CD96: variants seen among roughly 807,000 people sequenced by gnomAD.
The protein encoded by CD96 is CD96 molecule.
A neutral mutation model predicts 71.3 loss-of-function variants in CD96; 70 were observed. That is an observed-to-expected ratio of 0.98 (90% CI 0.81 to 1.20). The LOEUF (loss-of-function observed/expected upper bound fraction) is 1.20, where lower values mean the gene tolerates loss of function less well. Ranked by LOEUF, CD96 falls within the 50% of genes most tolerant of loss-of-function variation. CD96 has a pLI of 0.00. For synonymous variants in CD96, 248 were observed against 233.0 expected (o/e 1.06, Z -0.59); for missense variants, 742 against 677.5 (o/e 1.10, Z -1.06).
chr3:111,603,479 C>T (rs1937545578), intron 7 of CD96, among the ~76,000 whole-genome samples: 1 of 151,606 alleles, frequency 6.6e-6, no homozygotes, highest in Non-Finnish European at 1.5e-5. Flanking sequence ...GCTAGCATGT[C>T]AAAATGTCTA....
chr3:111,652,872 C>T (rs1368978971), downstream of CD96, among the ~76,000 whole-genome samples: 1 of 151,910 alleles, frequency 6.6e-6, no homozygotes, highest in Non-Finnish European at 1.5e-5. Context: ...ACTCCTGTCT[C>T]TGTTAGTGAA....
At chr3:111,622,528 T>C (rs1938564836) in intron 8 of CD96, among the ~76,000 whole-genome samples, 1 of 152,236 alleles carries the variant, frequency 6.6e-6, no homozygotes, top group African/African-American at 2.4e-5. Context: ...GAACTACTTA[T>C]AAATGCATTA....
intron 1 of CD96, 86 bp downstream of exon 1, chr3:111,542,395 G>GCTGCTGAAATTGATCAACA (rs1553695990): frequency 2.5e-6 from 2 of 815,716 alleles, no homozygotes; most frequent in Admixed American, 3.5e-5. Context: ...CCTTGTGACT[G>GCTGCTGAAATTGATCAACA]CTGCTGAAAT....
At chr3:111,586,375 T>C (rs1281701925) in intron 5 of CD96, among the ~76,000 whole-genome samples, 1 of 152,240 alleles carries the variant, frequency 6.6e-6, no homozygotes, top group Non-Finnish European at 1.5e-5. Flanking sequence ...AGTCATTTAA[T>C]TTGATAATTG....
intron 5 of CD96, among the ~76,000 whole-genome samples, chr3:111,589,622 T>A (rs1936881056): frequency 6.6e-6 from 1 of 152,232 alleles, no homozygotes; most frequent in Non-Finnish European, 1.5e-5. Flanking sequence ...TTCAAAGTCC[T>A]TTCACATACT....
intron 8 of CD96, among the ~76,000 whole-genome samples, chr3:111,622,392 C>A (rs185204715): frequency 3.9e-5 from 6 of 152,202 alleles, no homozygotes; most frequent in Non-Finnish European, 5.9e-5. Context: ...ACATGTCAGG[C>A]ACTCTTCTAA....
chr3:111,624,404 T>G lies in CD96; in HGVS notation c.1321T>G (p.Ser441Ala). ...WTSSGTDTKK[S>A]VSRIPSETYS... ...CTCCAGTGGGACAGATACCAAAAAA[T>G]GTTAAGTATAATCGTGGGTCCCTTG... Residue 441 changes from serine (S) to alanine (A), a missense_variant and splice_region_variant, in exon 10 of 14, where the codon TCA (serine) becomes GCA (alanine). Transcript: ENST00000352690. The G allele has an allele frequency of 6.3e-7, 1 of 1,592,826 alleles. No individual in the cohort carries two copies. Among genetic ancestry groups the G allele is most frequent in the Non-Finnish European group, 8.6e-7 (1 of 1,160,598 alleles).
chr3:111,600,757 C>A lies in CD96; in HGVS notation c.930C>A (p.Gly310=). 6.2e-7 allele frequency: 1 copy of A among 1,613,282 alleles called. No individual in the cohort carries two copies. The highest frequency in any genetic ancestry group is 8.5e-7 in the Non-Finnish European group (1 of 1,179,340). The change falls in exon 7 of 14, where the codon GGC becomes GGA. Residue 310 remains glycine, a synonymous_variant. Coordinates refer to ENST00000352690, the MANE Select transcript of CD96 (RefSeq NM_005816.5). ...GIYITNEERK[G]KDGFLELKSV... is the part of the protein sequence containing the mutation. ...ATATTACTAATGAAGAGAGAAAAGGCAAAGATGGATTTTTGGAACTGAAGT... is the reference window on the plus strand; with the variant it reads ...ATATTACTAATGAAGAGAGAAAAGGAAAAGATGGATTTTTGGAACTGAAGT...
downstream of CD96, among the ~76,000 whole-genome samples, chr3:111,657,339 AC>A (rs533461353): frequency 5.9e-5 from 9 of 151,662 alleles, no homozygotes; most frequent in Non-Finnish European, 1.2e-4. Flanking sequence ...AATCACTTGA[AC>A]CCAGGAGGTG....
At chr3:111,553,752 G>A (rs1934846369) in intron 2 of CD96, among the ~76,000 whole-genome samples, 1 of 151,864 alleles carries the variant, frequency 6.6e-6, no homozygotes, top group African/African-American at 2.4e-5. Flanking sequence ...TTTTTAGAAA[G>A]TGACCCGTAA....
At chr3:111,584,134 G>C (rs1936595093) in intron 4 of CD96, among the ~76,000 whole-genome samples, 2 of 152,142 alleles carry the variant, frequency 1.3e-5, no homozygotes, top group South Asian at 4.1e-4. Flanking sequence ...ATCATCTCTT[G>C]TAAGTCCAAA....
At chr3:111,628,788 G>A (rs974180452) in intron 10 of CD96, among the ~76,000 whole-genome samples, 1 of 152,090 alleles carries the variant, frequency 6.6e-6, no homozygotes, top group Non-Finnish European at 1.5e-5. Flanking sequence ...CCTACAAAGG[G>A]GAAGCCCATC....
chr3:111,636,874 A>G (rs1939354670), intron 10 of CD96, among the ~76,000 whole-genome samples: 1 of 146,904 alleles, frequency 6.8e-6, no homozygotes. Context: ...ATTCTCTTCC[A>G]TTTTTTTTTT....
chr3:111,624,280 T>G (rs1225131490), intron 9 of CD96, 53 bp from the exon 10 acceptor site: 7 of 1,231,520 alleles, frequency 5.7e-6, no homozygotes, highest in Non-Finnish European at 8.4e-6. Context: ...AAAGCAAAGT[T>G]AAATTACAGC....
chr3:111,596,989 T>G (rs981926424), intron 5 of CD96, among the ~76,000 whole-genome samples: 5 of 152,204 alleles, frequency 3.3e-5, no homozygotes, highest in Non-Finnish European at 7.3e-5. Flanking sequence ...TTCTGTAGGA[T>G]TTCACCAGGA....
chr3:111,648,544 A>G (rs1939939268), intron 13 of CD96, among the ~76,000 whole-genome samples: 1 of 152,186 alleles, frequency 6.6e-6, no homozygotes, highest in Non-Finnish European at 1.5e-5. Flanking sequence ...CAAAAGTAAA[A>G]CAAAAGTGCA....
intron 5 of CD96, among the ~76,000 whole-genome samples, chr3:111,587,030 A>C (rs1039772372): frequency 2.6e-5 from 4 of 152,188 alleles, no homozygotes; most frequent in African/African-American, 9.7e-5. Context: ...AAAGCATGTT[A>C]GTTACATCCT....
rs1049431735 is a variant in CD96 at position 111,652,307 on chromosome 3, G to C, written c.*2501G>C. 6.6e-6 allele frequency: 1 copy of C among 152,068 alleles called. No individual in the cohort carries two copies. Among genetic ancestry groups the C allele is most frequent in the Non-Finnish European group, 1.5e-5 (1 of 67,994 alleles). The allele number at this position is 152,068 out of a possible 1,614,324, so 9.4% of individuals were successfully genotyped here. A position where few individuals can be genotyped will look rare whatever the true frequency, so the allele number is the denominator to read the frequency against. On this transcript the variant is annotated 3_prime_UTR_variant, in exon 14 of 14. Coordinates refer to ENST00000352690, the MANE Select transcript of CD96 (RefSeq NM_005816.5). ...TGCTAGCTTCATATGTATGGCTGTT[G>C]CTTTGCTTCATGTGTATGGCTATTT...
chr3:111,576,554 G>T (rs1207683746), intron 3 of CD96, among the ~76,000 whole-genome samples: 1 of 152,076 alleles, frequency 6.6e-6, no homozygotes, highest in Non-Finnish European at 1.5e-5. Flanking sequence ...AGTACAAATT[G>T]TATCTGAGAC....
Sources: gnomAD v4.1 joint callset for allele counts (sites outside exome capture counted in the v4.1 genomes callset) on GRCh38, gnomAD v4.1.1 for gene constraint, MANE v1.5 for transcripts, NCBI Gene and HGNC (gene_info 2026-07-23, HGNC 2026-07-21) for gene names.